The following CNOT1 variants were observed in gnomAD, a reference collection of about 807,000 sequenced individuals.
CNOT1 encodes CCR4-associated factor 1.
In CNOT1, 15 loss-of-function variants were observed where a neutral mutation model predicts 273.8. The ratio of observed to expected loss-of-function variants is 0.05; its 90% confidence interval spans 0.04 to 0.08. The LOEUF is 0.08. Among genes scored for constraint, CNOT1 ranks in the 10% least tolerant of loss-of-function variants. The probability of loss-of-function intolerance (pLI) is 1.00; values close to 1 mark genes in which losing one functional copy is unlikely to be tolerated. For synonymous variants in CNOT1, 1,022 were observed against 1,005.5 expected (o/e 1.02, Z -0.31); for missense variants, 1,644 against 2,912.2 (o/e 0.56, Z 10.02).
Position 58,523,518 on chromosome 16 carries a change from C to A in CNOT1, c.6785-16G>T. On this transcript the variant is annotated splice_polypyrimidine_tract_variant and intron_variant, in intron 46 of 48. Transcript: ENST00000317147. ...AGATAGCGACCTAGAAATTAAGAAA[C>A]CTTGACTTAGGACTTAGTCTGAAAG... 6.2e-7 allele frequency: 1 copy of A among 1,613,402 alleles called. No homozygotes were observed. The highest frequency in any genetic ancestry group is 8.5e-7 in the Non-Finnish European group (1 of 1,179,604).
chr16:58,559,769 G>C (rs571875750), intron 17 of CNOT1: 11 of 500,608 alleles, frequency 2.2e-5, no homozygotes, highest in East Asian at 5.6e-5. Context: ...CAGAGAGAAG[G>C]GGGTGGTTGA....
chr16:58,586,588 A>G lies in CNOT1; in HGVS notation c.594T>C (p.Val198=), dbSNP rs1385114383. The part of the protein sequence containing the change: ...LLFGQKGAFG[V]GQEQIDAFLK... The stretch of plus-strand genomic sequence containing the variant: ...GAAAAGCGTCTATCTGTTCTTGTCC[A>G]ACTCCAAAGGCTCCCTTCTGCCCAA... Residue 198 remains valine, a synonymous_variant, in exon 7 of 49, where the codon GTT becomes GTC. Transcript: ENST00000317147. 6 of 1,612,100 alleles carry G rather than the reference A, an allele frequency of 3.7e-6. No individual in the cohort carries two copies. The African/African-American group carries it at 6.7e-5, about 18-fold the overall frequency.
chr16:58,574,153 T>A (rs1413466442), intron 16 of CNOT1, among the ~76,000 whole-genome samples: 1 of 151,978 alleles, frequency 6.6e-6, no homozygotes, highest in Non-Finnish European at 1.5e-5. Context: ...GGCACGTGCC[T>A]GTGGTCCCAG....
intron 1 of CNOT1, among the ~76,000 whole-genome samples, chr16:58,617,424 G>C (rs13335851): frequency 0.044 from 6,751 of 151,956 alleles, 481 homozygotes; most frequent in African/African-American, 0.15. Flanking sequence ...AATACAGGCT[G>C]AGCATCCCAA....
chr16:58,525,084 A>G lies in CNOT1; in HGVS notation c.6784+95T>C. 4 of 1,136,130 alleles carry G rather than the reference A, an allele frequency of 3.5e-6. No individual in the cohort carries two copies. In the South Asian group the frequency reaches 5.4e-5, roughly 15 times the overall value. 70.4% of individuals were successfully genotyped at this position (1,136,130 alleles called of 1,614,324 possible). A position where few individuals can be genotyped will look rare whatever the true frequency, so the allele number is the denominator to read the frequency against. ...AAATATACTGACAGAACATTCCTTC[A>G]CTATTGTGGCTTGAAGCATTTTTAC... On this transcript the variant is annotated intron_variant, in intron 46 of 48. Transcript: ENST00000317147.
At chr16:58,543,103 A>T (rs113123727) in intron 31 of CNOT1, 7 of 1,247,976 alleles carry the variant, frequency 5.6e-6, no homozygotes, top group African/African-American at 3.1e-5. Flanking sequence ...ATGAAACATT[A>T]AAAAAAAGGC....
chr16:58,588,040 C>T (rs777373889), intron 3 of CNOT1, among the ~76,000 whole-genome samples, 162 bp from the exon 4 acceptor site: 6 of 152,108 alleles, frequency 3.9e-5, no homozygotes, highest in Non-Finnish European at 7.4e-5. Context: ...GGTTGACAAC[C>T]GTAATCCCAG....
At chr16:58,600,957 C>CTGT (rs749228710) in intron 1 of CNOT1, among the ~76,000 whole-genome samples, 1 of 152,034 alleles carries the variant, frequency 6.6e-6, no homozygotes, top group Admixed American at 6.6e-5. Context: ...GTTGTTGTTG[C>CTGT]TGTTGTTGTT....
At chr16:58,580,072 C>T (rs1352042587) in intron 12 of CNOT1, among the ~76,000 whole-genome samples, 2 of 151,802 alleles carry the variant, frequency 1.3e-5, no homozygotes, top group Admixed American at 1.3e-4. Flanking sequence ...TAGCCCAGGG[C>T]GGTGGTGAGC....
intron 10 of CNOT1, among the ~76,000 whole-genome samples, chr16:58,582,551 T>G (rs537260003): frequency 6.6e-6 from 1 of 152,362 alleles, no homozygotes; most frequent in East Asian, 1.9e-4. Context: ...AAGATAATTA[T>G]GATTTTCACT....
intron 1 of CNOT1, among the ~76,000 whole-genome samples, chr16:58,617,461 T>G (rs1293949866): frequency 6.6e-6 from 1 of 151,880 alleles, no homozygotes; most frequent in Non-Finnish European, 1.5e-5. Context: ...TTCGAAAGAC[T>G]CCAAAATCCA....
At chr16:58,524,781 C>T (rs1194295572) in intron 46 of CNOT1, among the ~76,000 whole-genome samples, 1 of 152,082 alleles carries the variant, frequency 6.6e-6, no homozygotes, top group Non-Finnish European at 1.5e-5. Flanking sequence ...ACAGGAGAGT[C>T]CTATTCATTA....
At chr16:58,559,748 T>C (rs1169552674) in intron 17 of CNOT1, 1 of 486,288 alleles carries the variant, frequency 2.1e-6, no homozygotes, top group Non-Finnish European at 4.2e-6. Flanking sequence ...AGAAGCGCAA[T>C]ATGTTGCTCC....
chr16:58,556,934 C>A lies in CNOT1; in HGVS notation c.2392G>T (p.Ala798Ser), dbSNP rs2040650256. ...GIGTGALGLP[A>S]VNNDPFVQRK... Reference sequence around the variant, plus strand: ...TGTACAAAAGGGTCGTTATTCACTGCAGGGAGTCCAAGAGCACCAGTTCCT... The same window carrying A: ...TGTACAAAAGGGTCGTTATTCACTGAAGGGAGTCCAAGAGCACCAGTTCCT... The change falls in exon 19 of 49, where the codon GCA (alanine) becomes TCA (serine). Residue 798 changes from alanine (A) to serine (S), a missense_variant. Physicochemically the swap from Ala to Ser is moderately conservative, Grantham distance 99. Coordinates refer to ENST00000317147, the MANE Select transcript of CNOT1 (RefSeq NM_016284.5). 14 of 1,614,002 alleles carry A rather than the reference C, an allele frequency of 8.7e-6. No individual in the cohort carries two copies. The highest frequency in any genetic ancestry group is 9.3e-6 in the Non-Finnish European group (11 of 1,180,026).
chr16:58,524,844 A>C (rs1014900710), intron 46 of CNOT1, among the ~76,000 whole-genome samples: 1 of 152,210 alleles, frequency 6.6e-6, no homozygotes, highest in African/African-American at 2.4e-5. Context: ...CACCAATAAA[A>C]ATGCTTATAT....
At chr16:58,619,155 C>T (rs8054437) in intron 1 of CNOT1, among the ~76,000 whole-genome samples, 59,163 of 151,844 alleles carry the variant, frequency 0.39, 12,916 homozygotes, top group African/African-American at 0.59. Context: ...GAGCCATGAT[C>T]GTGCCACTGC....
At position 58,520,706 on chromosome 16, in the gene CNOT1, A is replaced by G; in HGVS notation, c.*252T>C. ...GTTCCAGACAAAGGTTTTCTCTTTCATGTATTTACACAAGTTCAAAATGAT... is the reference window on the plus strand; with the variant it reads ...GTTCCAGACAAAGGTTTTCTCTTTCGTGTATTTACACAAGTTCAAAATGAT... On this transcript the variant is annotated 3_prime_UTR_variant, in exon 49 of 49. Transcript: ENST00000317147. 4.0e-6 allele frequency: 2 copies of G among 505,146 alleles called. No individual in the cohort carries two copies. The highest frequency in any genetic ancestry group is 7.2e-6 in the Non-Finnish European group (2 of 279,240). 31.3% of individuals were successfully genotyped at this position (505,146 alleles called of 1,614,324 possible).
intron 13 of CNOT1, among the ~76,000 whole-genome samples, chr16:58,578,146 T>C (rs2041526230): frequency 6.6e-6 from 1 of 152,196 alleles, no homozygotes; most frequent in South Asian, 2.1e-4. Flanking sequence ...TACAGACCTT[T>C]CTTAATATTG....
chr16:58,584,974 G>T (rs1312515106), intron 8 of CNOT1, among the ~76,000 whole-genome samples: 2 of 152,126 alleles, frequency 1.3e-5, no homozygotes, highest in African/African-American at 4.8e-5. Flanking sequence ...AAATTAGAGG[G>T]GTGGGGGTCA....
Sources: allele counts gnomAD v4.1 joint callset (sites outside exome capture counted in the v4.1 genomes callset), GRCh38; gene constraint gnomAD v4.1.1; transcripts MANE v1.5; gene names NCBI Gene and HGNC (gene_info 2026-07-23, HGNC 2026-07-21).